The following FGF13 variants were observed in gnomAD, a reference collection of about 807,000 sequenced individuals.
The protein encoded by FGF13 is fibroblast growth factor homologous factor 2.
FGF13 carries 2 observed loss-of-function variants against 19.5 expected under a neutral mutation model. The observed-to-expected ratio is 0.10, with a 90% CI of 0.04 to 0.32. The LOEUF is 0.32. Among genes scored for constraint, FGF13 ranks in the 10% least tolerant of loss-of-function variants. FGF13 has a pLI of 1.00. For missense variants in FGF13, 113 were observed against 192.7 expected (o/e 0.59, Z 2.45); for synonymous variants, 72 against 76.9 (o/e 0.94, Z 0.33).
At chrX:138,766,208 T>C (rs1461581137) in intron 3 of FGF13, among the ~76,000 whole-genome samples, 13 of 112,457 alleles carry the variant, frequency 1.2e-4, no homozygotes, top group Admixed American at 5.7e-4. Context: ...GAGCTCACCA[T>C]TGAGTTTGGA....
chrX:138,710,494 T>C (rs1005535434), intron 1 of FGF13, among the ~76,000 whole-genome samples: 4 of 111,133 alleles, frequency 3.6e-5, no homozygotes, highest in African/African-American at 1.3e-4. Context: ...ACGCCATACA[T>C]ATCACAGCCA....
chrX:138,948,958 T>C (rs1413977931), intron 1 of FGF13, among the ~76,000 whole-genome samples: 1 of 112,066 alleles, frequency 8.9e-6, no homozygotes, highest in Non-Finnish European at 1.9e-5. Context: ...GGAACAGTCA[T>C]ATTTATTGAC....
At chrX:138,929,513 A>C (rs1603040396) in intron 1 of FGF13, among the ~76,000 whole-genome samples, 1 of 110,864 alleles carries the variant, frequency 9.0e-6, no homozygotes. Flanking sequence ...TTTGCACATA[A>C]GTTAGCCAGT....
At chrX:139,125,809 T>C (rs979852813) in intron 1 of FGF13, among the ~76,000 whole-genome samples, 1 of 110,783 alleles carries the variant, frequency 9.0e-6, no homozygotes, top group Non-Finnish European at 1.9e-5. Flanking sequence ...CGGACAAGGA[T>C]AGAGGGTGAA....
At chrX:138,643,472 T>C (rs1054435479) in intron 3 of FGF13, among the ~76,000 whole-genome samples, 1 of 112,166 alleles carries the variant, frequency 8.9e-6, no homozygotes, top group Non-Finnish European at 1.9e-5. Context: ...AAGTAGCTTG[T>C]TGAGACTCGT....
intron 1 of FGF13, among the ~76,000 whole-genome samples, chrX:139,052,328 A>G (rs1257879608): frequency 8.9e-6 from 1 of 112,070 alleles, no homozygotes; most frequent in Non-Finnish European, 1.9e-5. Context: ...TTTGTAAGTG[A>G]TGATCCCAGC....
chrX:139,004,313 G>A (rs188139188), intron 1 of FGF13, among the ~76,000 whole-genome samples: 2,817 of 112,921 alleles, frequency 0.025, 82 homozygotes, highest in African/African-American at 0.085. Flanking sequence ...CCGGCCGGCT[G>A]TTCTGAGTGC....
upstream of FGF13, among the ~76,000 whole-genome samples, chrX:138,712,351 G>A (rs2090063418): frequency 9.0e-6 from 1 of 111,554 alleles, no homozygotes; most frequent in Admixed American, 9.5e-5. Flanking sequence ...TCATCTGTCC[G>A]CTCAGATTTG....
chrX:139,096,578 G>A (rs952851420), intron 1 of FGF13, among the ~76,000 whole-genome samples: 2 of 111,813 alleles, frequency 1.8e-5, no homozygotes, highest in African/African-American at 6.5e-5. Flanking sequence ...TGTAAGTGAG[G>A]AAGATAATTA....
At chrX:139,052,790 T>C (rs2092306654) in intron 1 of FGF13, among the ~76,000 whole-genome samples, 1 of 112,243 alleles carries the variant, frequency 8.9e-6, no homozygotes, top group Admixed American at 9.4e-5. Flanking sequence ...TTTTTGTTTG[T>C]TTTTGAAACA....
chrX:139,131,301 T>C lies in FGF13; in HGVS notation c.-113+72115A>G, dbSNP rs753173843. On this transcript the variant is annotated intron_variant, in intron 1 of 2. Transcript: ENST00000421460. ...GGATTCAGGCAAGCCATTTAACCTT[T>C]CTGAGCCTATTAGATCAGCTGTAAA... Among the ~76,000 whole-genome samples the C allele has an allele frequency of 4.5e-5, 5 of 111,537 alleles. 1 individual carries two copies. Among genetic ancestry groups the C allele is most frequent in the Non-Finnish European group, 7.5e-5 (4 of 53,122 alleles).
intron 3 of FGF13, among the ~76,000 whole-genome samples, chrX:138,758,775 A>G (rs1170167191): frequency 8.9e-6 from 1 of 112,512 alleles, no homozygotes; most frequent in East Asian, 2.8e-4. Context: ...CAAAATCAAT[A>G]TATACATTCT....
At chrX:138,660,204 A>C (rs1398923512) in intron 3 of FGF13, among the ~76,000 whole-genome samples, 2 of 112,088 alleles carry the variant, frequency 1.8e-5, no homozygotes, top group Admixed American at 1.9e-4. Flanking sequence ...TAGGTTATTA[A>C]TTCAACATTG....
At chrX:139,086,672 C>T (rs1259512337) in intron 1 of FGF13, among the ~76,000 whole-genome samples, 2 of 111,912 alleles carry the variant, frequency 1.8e-5, no homozygotes, top group African/African-American at 6.5e-5. Flanking sequence ...TAATAAAATA[C>T]AAGTATTATG....
chrX:138,705,724 G>A (rs2089986858), intron 2 of FGF13, among the ~76,000 whole-genome samples: 1 of 111,761 alleles, frequency 8.9e-6, no homozygotes, highest in Non-Finnish European at 1.9e-5. Context: ...AATTATATCA[G>A]GGGTGAGCTT....
intron 2 of FGF13, among the ~76,000 whole-genome samples, chrX:138,859,498 A>C (rs1307982514): frequency 8.9e-6 from 1 of 112,650 alleles, no homozygotes; most frequent in Non-Finnish European, 1.9e-5. Context: ...GTTATTCAGA[A>C]GTACGTGACA....
intron 1 of FGF13, among the ~76,000 whole-genome samples, chrX:138,932,884 A>G (rs2091711532): frequency 9.0e-6 from 1 of 110,785 alleles, no homozygotes; most frequent in Non-Finnish European, 1.9e-5. Context: ...TTATAGAGAC[A>G]CCTATATCTC....
At chrX:138,996,458 G>A (rs147688381) in intron 1 of FGF13, among the ~76,000 whole-genome samples, 1,319 of 113,015 alleles carry the variant, frequency 0.012, 6 homozygotes, top group Non-Finnish European at 0.016. Flanking sequence ...CGCTGCTAGC[G>A]CAGCAGTCTG....
Position 138,819,111 on chromosome X carries a change from G to T in FGF13, c.217+38401C>A, listed in dbSNP as rs752063815. ...TGCTTTAATCTCAGAAAATCTTACA[G>T]TTTGTATGGTAGTTAAGAGTATGGG... On this transcript the variant is annotated intron_variant, in intron 3 of 6. Coordinates refer to the FGF13 transcript ENST00000436198. Among the ~76,000 whole-genome samples the T allele has an allele frequency of 3.1e-3, 349 of 111,080 alleles. 2 individuals carry two copies. The highest frequency in any genetic ancestry group is 0.011 in the African/African-American group (336 of 30,626).
Sources: allele counts gnomAD v4.1 joint callset (sites outside exome capture counted in the v4.1 genomes callset), GRCh38; gene constraint gnomAD v4.1.1; transcripts MANE v1.5; gene names NCBI Gene and HGNC (gene_info 2026-07-23, HGNC 2026-07-21).